The following PRMT5 variants were observed in gnomAD, a reference collection of about 807,000 sequenced individuals.
PRMT5 encodes the protein protein arginine N-methyltransferase 5.
A neutral mutation model predicts 84.0 loss-of-function variants in PRMT5; 15 were observed. The ratio of observed to expected loss-of-function variants is 0.18; its 90% CI spans 0.12 to 0.28. The LOEUF is 0.28. PRMT5 is among the 10% of genes least tolerant of loss of function. The pLI is 1.00. For missense variants in PRMT5, 486 were observed against 808.0 expected, an observed-to-expected ratio of 0.60 and a Z score of 4.83; for synonymous variants, 276 against 292.4, an observed-to-expected ratio of 0.94 and a Z score of 0.57.
In PRMT5 at chr14:22,928,119, G is replaced by C. The variant is rs770465346; in HGVS notation, c.315+7C>G. The stretch of plus-strand genomic sequence containing the variant: ...AAAAATCCAGCAGAGAAGTCAAACA[G>C]TCTTACCGCCTCGGAGTTCCTGCGA... On this transcript the variant is annotated splice_region_variant and intron_variant, in intron 3 of 16. Transcript: ENST00000324366. The surrounding 1 kb of genome is among the most constrained non-coding windows in gnomAD (Gnocchi z 4.8). 1 of 1,613,336 alleles carries C rather than the reference G, an allele frequency of 6.2e-7. No individual in the cohort carries two copies. Among genetic ancestry groups the C allele is most frequent in the Admixed American group, 1.7e-5 (1 of 59,940 alleles).
In PRMT5 at chr14:22,928,282, T is replaced by G. The variant is rs756552967; in HGVS notation, c.230-71A>C. The G allele has an allele frequency of 6.5e-6, 10 of 1,537,520 alleles. No individual in the cohort carries two copies. The highest frequency in any genetic ancestry group is 2.3e-5 in the South Asian group (2 of 88,488). ...CACTTTACTTGTTCAATTTTTAGTTTTGGGAATCAAGAGTAGAAATGAGAG... is the reference window on the plus strand; with the variant it reads ...CACTTTACTTGTTCAATTTTTAGTTGTGGGAATCAAGAGTAGAAATGAGAG... On this transcript the variant is annotated intron_variant, in intron 2 of 16. Coordinates refer to ENST00000324366, the MANE Select transcript of PRMT5 (RefSeq NM_006109.5). This position sits in a 1 kb window ranked among gnomAD's most constrained non-coding sequence, Gnocchi z 4.8.
At chr14:22,926,317 A>T in intron 6 of PRMT5, 21 bp from the exon 7 acceptor site, 1 of 1,610,666 alleles carries the variant, frequency 6.2e-7, no homozygotes, top group East Asian at 2.2e-5. Context: ...CAAAAGAAAA[A>T]CTGTCAACCA....
At chr14:22,927,116 G>A (rs2044438319) in intron 4 of PRMT5, among the ~76,000 whole-genome samples, 2 of 143,534 alleles carry the variant, frequency 1.4e-5, no homozygotes, top group Admixed American at 1.4e-4. Flanking sequence ...GACAAGGTCT[G>A]GCTCTGTCAC....
Position 22,922,555 on chromosome 14 carries a change from AG to A in PRMT5, c.1583del (p.Pro528LeufsTer2). 6.2e-7 allele frequency: 1 copy of A among 1,610,032 alleles called. No individual in the cohort carries two copies. Among genetic ancestry groups the A allele is most frequent in the Non-Finnish European group, 8.5e-7 (1 of 1,176,282 alleles). ...TGCAATAGCGGTTGTTGTCAATCATAGGATCTGTCAGGAAATAATTATGTGG... is the reference window on the plus strand; with the variant it reads ...TGCAATAGCGGTTGTTGTCAATCATAGATCTGTCAGGAAATAATTATGTGG... Reference protein sequence around the residue: ...CFTFSHPNRDPMIDNNRYCTL... With the variant: ...CFTFSHPNRDXMIDNNRYCTL... On this transcript the variant is annotated frameshift_variant, in exon 15 of 17. Coordinates refer to ENST00000324366, the MANE Select transcript of PRMT5 (RefSeq NM_006109.5). LOFTEE classifies it high-confidence loss of function.
chr14:22,922,590 G>C, intron 14 of PRMT5, 31 bp from the exon 15 acceptor site: 1 of 1,575,936 alleles, frequency 6.3e-7, no homozygotes, highest in Non-Finnish European at 8.7e-7. Context: ...GGGTGACAAG[G>C]GGCCAGAAGC....
chr14:22,920,634 T>A lies in PRMT5; in HGVS notation c.*270A>T, dbSNP rs1174068266. On this transcript the variant is annotated 3_prime_UTR_variant, in exon 17 of 17. Transcript: ENST00000324366. Reference sequence around the variant, plus strand: ...CGTTCAAACCCCATGTTCTCAGGGATATTCCAGGGAGTTCTTGAGGCTGAG... The same window carrying A: ...CGTTCAAACCCCATGTTCTCAGGGAAATTCCAGGGAGTTCTTGAGGCTGAG... The A allele has an allele frequency of 1.5e-6, 1 of 669,612 alleles. No homozygotes were observed. The allele number at this position is 669,612 out of a possible 1,614,324, so 41.5% of individuals were successfully genotyped here.
In PRMT5 at chr14:22,924,769, A is replaced by G; in HGVS notation, c.940-60T>C. ...TTCTGGCAAAGGACAATGCACTAAA[A>G]TATCAAAAACTTTCCACTGCTTTCT... is the stretch of plus-strand genomic sequence containing the variant. On this transcript the variant is annotated intron_variant, in intron 8 of 16. Transcript: ENST00000324366. The surrounding 1 kb of genome is among the most constrained non-coding windows in gnomAD (Gnocchi z 6.5). The G allele has an allele frequency of 1.3e-6, 2 of 1,592,886 alleles. No homozygotes were observed. The highest frequency in any genetic ancestry group is 1.7e-4 in the Middle Eastern group (1 of 5,936).
At chr14:22,922,390 C>A in intron 15 of PRMT5, 53 bp downstream of exon 15, 2 of 1,480,962 alleles carry the variant, frequency 1.4e-6, no homozygotes, top group South Asian at 2.3e-5. Context: ...TACATATAAG[C>A]TGCCCAGGAA....
intron 1 of PRMT5, 42 bp downstream of exon 1, chr14:22,929,210 A>G: frequency 1.2e-6 from 2 of 1,613,824 alleles, no homozygotes; most frequent in African/African-American, 2.7e-5. Context: ...TCCGTCCCCG[A>G]GTTCGGACCC....
intron 1 of PRMT5, chr14:22,929,024 G>A: frequency 1.8e-6 from 2 of 1,089,210 alleles, no homozygotes; most frequent in Non-Finnish European, 2.7e-6. Flanking sequence ...GCCCTTTAGA[G>A]TTTACCCAAC....
intron 3 of PRMT5, 145 bp from the exon 4 acceptor site, chr14:22,927,805 C>T (rs968837877): frequency 1.1e-5 from 11 of 1,001,250 alleles, no homozygotes; most frequent in Non-Finnish European, 1.6e-5. Flanking sequence ...CCTTCCCAAG[C>T]TCAACTGATC....
At position 22,926,695 on chromosome 14, in the gene PRMT5, G is replaced by T; in HGVS notation, c.563+7C>A. On this transcript the variant is annotated splice_region_variant and intron_variant, in intron 5 of 16. Transcript: ENST00000324366. ...GCACCCTGGTACAGCAGCAAAGGGA[G>T]ACATACCACATCCACGTTTTCTCCT... The T allele has an allele frequency of 1.2e-6, 2 of 1,611,564 alleles. No homozygotes were observed. Among genetic ancestry groups the T allele is most frequent in the Non-Finnish European group, 1.7e-6 (2 of 1,177,678 alleles).
rs1566637622 is a variant in PRMT5 at position 22,929,232 on chromosome 14, C to T, written c.110+20G>A. The T allele has an allele frequency of 4.3e-6, 7 of 1,614,020 alleles. No homozygotes were observed. The highest frequency in any genetic ancestry group is 2.2e-5 in the South Asian group (2 of 91,058). ...CCGAGTTCGGACCCCGCATTCCGCT[C>T]GTGGAGGTCCGGCCCTCACCCCTGC... On this transcript the variant is annotated intron_variant, in intron 1 of 16. Coordinates refer to ENST00000324366, the MANE Select transcript of PRMT5 (RefSeq NM_006109.5).
In PRMT5 at chr14:22,926,503, C is replaced by T. The variant is rs781649505; in HGVS notation, c.613+3G>A. ...ACCCATCCCAGGATTCTCATGGACT[C>T]ACCCACTGCAATCCTCTTACTATAG... On this transcript the variant is annotated splice_donor_region_variant and intron_variant, in intron 6 of 16. Coordinates refer to ENST00000324366, the MANE Select transcript of PRMT5 (RefSeq NM_006109.5). 6.2e-7 allele frequency: 1 copy of T among 1,614,186 alleles called. No individual in the cohort carries two copies. Among genetic ancestry groups the T allele is most frequent in the South Asian group, 1.1e-5 (1 of 91,084 alleles).
rs2044465229 is a variant in PRMT5, at chr14:22,928,044, C to G, written c.315+82G>C. ...AATTTCATTCTATCAGTTAATTTAC[C>G]AAGTTATTGGGGATGGGAGGGGACC... On this transcript the variant is annotated intron_variant, in intron 3 of 16. Transcript: ENST00000324366. This position sits in a 1 kb window ranked among gnomAD's most constrained non-coding sequence, Gnocchi z 4.8. 8.2e-7 allele frequency: 1 copy of G among 1,216,340 alleles called. No homozygotes were observed. Among genetic ancestry groups the G allele is most frequent in the East Asian group, 2.3e-5 (1 of 42,860 alleles). 75.3% of individuals were successfully genotyped at this position (1,216,340 alleles called of 1,614,324 possible).
In PRMT5 at chr14:22,928,637, A is replaced by C; in HGVS notation, c.111-22T>G. ...AAACCTACAACCGCGACAGACCCAG[A>C]ATCATGTAAAGACAGCAGCAGTGCC... On this transcript the variant is annotated intron_variant, in intron 1 of 16. Coordinates refer to ENST00000324366, the MANE Select transcript of PRMT5 (RefSeq NM_006109.5). This position sits in a 1 kb window ranked among gnomAD's most constrained non-coding sequence, Gnocchi z 4.8. The C allele has an allele frequency of 6.4e-7, 1 of 1,556,524 alleles. No individual in the cohort carries two copies. Among genetic ancestry groups the C allele is most frequent in the Non-Finnish European group, 8.9e-7 (1 of 1,127,684 alleles).
Position 22,924,866 on chromosome 14 carries a change from A to G in PRMT5, c.939+13T>C. ...CATCCCACCTTCCTCCTCTAAGTGC[A>G]CTCCAGACCCACCTGAAGCGGGGAC... On this transcript the variant is annotated intron_variant, in intron 8 of 16. Transcript: ENST00000324366. This position sits in a 1 kb window ranked among gnomAD's most constrained non-coding sequence, Gnocchi z 6.5. 1 of 1,612,258 alleles carries G rather than the reference A, an allele frequency of 6.2e-7. No homozygotes were observed. The highest frequency in any genetic ancestry group is 8.5e-7 in the Non-Finnish European group (1 of 1,178,920).
Position 22,928,295 on chromosome 14 carries a change from G to A in PRMT5, c.230-84C>T. 2 of 1,458,420 alleles carry A rather than the reference G, an allele frequency of 1.4e-6. No homozygotes were observed. Among genetic ancestry groups the A allele is most frequent in the Non-Finnish European group, 1.9e-6 (2 of 1,045,876 alleles). 90.3% of individuals were successfully genotyped at this position (1,458,420 alleles called of 1,614,324 possible). ...CAATTTTTAGTTTTGGGAATCAAGA[G>A]TAGAAATGAGAGACAAAGGTTTTTT... On this transcript the variant is annotated intron_variant, in intron 2 of 16. Transcript: ENST00000324366. The surrounding 1 kb of genome is among the most constrained non-coding windows in gnomAD (Gnocchi z 4.8).
In PRMT5 at chr14:22,920,575, CCATCAAAA is replaced by C. The variant is rs1195636352; in HGVS notation, c.*321_*328del. Reference sequence around the variant, plus strand: ...TATTTGTATTTCCTCTTACACAAAACCATCAAAACAAGAACAGAAAAAGGCTGAAAATC... The same window carrying C: ...TATTTGTATTTCCTCTTACACAAAACCAAGAACAGAAAAAGGCTGAAAATC... On this transcript the variant is annotated 3_prime_UTR_variant, in exon 17 of 17. Coordinates refer to ENST00000324366, the MANE Select transcript of PRMT5 (RefSeq NM_006109.5). 1.9e-6 allele frequency: 1 copy of C among 521,378 alleles called. No homozygotes were observed. Among genetic ancestry groups the C allele is most frequent in the African/African-American group, 1.9e-5 (1 of 51,970 alleles). 32.3% of individuals were successfully genotyped at this position (521,378 alleles called of 1,614,324 possible).
Sources: allele counts gnomAD v4.1 joint callset (sites outside exome capture counted in the v4.1 genomes callset), GRCh38; gene constraint gnomAD v4.1.1; non-coding constraint Gnocchi (gnomAD v3.1); transcripts MANE v1.5; gene names NCBI Gene and HGNC (gene_info 2026-07-23, HGNC 2026-07-21).